Variants in SAMD3 observed in about 807,000 individuals in gnomAD.
The protein encoded by SAMD3 is sterile alpha motif domain containing 3.
Under a neutral mutation model 58.5 loss-of-function variants are expected in SAMD3, and 63 were observed. The ratio of observed to expected loss-of-function variants is 1.08; its 90% CI spans 0.88 to 1.33. The LOEUF is 1.33. Among genes scored for constraint, SAMD3 ranks in the 40% most tolerant of loss-of-function variants. The probability of loss-of-function intolerance (pLI) is 0.00; values close to 1 mark genes in which losing one functional copy is unlikely to be tolerated. For synonymous variants in SAMD3, 220 were observed against 210.3 expected (o/e 1.05, Z -0.40); for missense variants, 604 against 608.4 (o/e 0.99, Z 0.08).
rs375275669 is a variant in SAMD3, at chr6:130,154,788, A to G, written c.1023+37T>C. On this transcript the variant is annotated intron_variant, in intron 9 of 11. Transcript: ENST00000439090. ...AATATGTGTGTGTGTGTATATACATATATATGTGTGTGTATATATATATAG... is the reference window on the plus strand; with the variant it reads ...AATATGTGTGTGTGTGTATATACATGTATATGTGTGTGTATATATATATAG... 56 of 1,140,378 alleles carry G rather than the reference A, an allele frequency of 4.9e-5. No individual in the cohort carries two copies. In the African/African-American group the frequency reaches 8.4e-4, roughly 17 times the overall value. 70.6% of individuals were successfully genotyped at this position (1,140,378 alleles called of 1,614,324 possible). A position where few individuals can be genotyped will look rare whatever the true frequency, so the allele number is the denominator to read the frequency against.
downstream of SAMD3, among the ~76,000 whole-genome samples, chr6:130,143,585 C>G (rs769596929): frequency 1.2e-4 from 18 of 152,114 alleles, no homozygotes; most frequent in Non-Finnish European, 2.2e-4. Context: ...TTAATTTGAA[C>G]ATGTAACCCA....
chr6:130,148,749 G>A (rs552815831), intron 9 of SAMD3, among the ~76,000 whole-genome samples: 20 of 152,224 alleles, frequency 1.3e-4, no homozygotes, highest in African/African-American at 4.3e-4. Context: ...GCACATGCCT[G>A]TAGTCCCAGA....
chr6:130,354,648 A>T (rs1777773782), intron 1 of SAMD3, among the ~76,000 whole-genome samples: 3 of 152,022 alleles, frequency 2.0e-5, no homozygotes, highest in Admixed American at 2.0e-4. Flanking sequence ...ACTGGGGCCT[A>T]TGTGAGGGTG....
At chr6:130,345,966 A>T (rs990680009) in intron 1 of SAMD3, among the ~76,000 whole-genome samples, 1 of 152,238 alleles carries the variant, frequency 6.6e-6, no homozygotes, top group Non-Finnish European at 1.5e-5. Context: ...ATAAGGCTAC[A>T]AGGGTAAAAA....
chr6:130,275,486 A>G (rs562437626), intron 2 of SAMD3, among the ~76,000 whole-genome samples: 4 of 152,306 alleles, frequency 2.6e-5, no homozygotes, highest in South Asian at 2.1e-4. Flanking sequence ...TGAACTTTGG[A>G]GGAATCACAA....
intron 9 of SAMD3, among the ~76,000 whole-genome samples, chr6:130,147,778 C>G (rs1394882490): frequency 6.6e-6 from 1 of 152,188 alleles, no homozygotes; most frequent in Non-Finnish European, 1.5e-5. Flanking sequence ...GATTTAGATA[C>G]CACGCCTCTC....
chr6:130,255,401 G>A (rs981381886), intron 2 of SAMD3, among the ~76,000 whole-genome samples: 1 of 152,050 alleles, frequency 6.6e-6, no homozygotes, highest in African/African-American at 2.4e-5. Flanking sequence ...GGGTATTGAA[G>A]CCCCCTACTA....
chr6:130,329,335 C>G (rs774905508), intron 1 of SAMD3, among the ~76,000 whole-genome samples: 54 of 150,914 alleles, frequency 3.6e-4, no homozygotes, highest in Non-Finnish European at 4.1e-4. Context: ...AAACCACATT[C>G]ATTCTGGGGA....
chr6:130,163,026 C>A (rs2114620173), intron 8 of SAMD3, among the ~76,000 whole-genome samples: 1 of 152,326 alleles, frequency 6.6e-6, no homozygotes, highest in African/African-American at 2.4e-5. Flanking sequence ...AGTCCTCCTG[C>A]ATTTGCCTCC....
chr6:130,254,110 C>T (rs1024498276), intron 2 of SAMD3, among the ~76,000 whole-genome samples: 1 of 152,108 alleles, frequency 6.6e-6, no homozygotes, highest in African/African-American at 2.4e-5. Flanking sequence ...TTGCCTACCT[C>T]AGCTCCCAAG....
In SAMD3 at chr6:130,353,475, A is replaced by G. The variant is rs369980240; in HGVS notation, c.-304+11645T>C. 1.1e-4 allele frequency among the ~76,000 whole-genome samples: 16 copies of G among 152,294 alleles called. No individual in the cohort carries two copies. In the South Asian group the frequency reaches 2.1e-3, roughly 20 times the overall value. On this transcript the variant is annotated intron_variant, in intron 1 of 13. Transcript: ENST00000368134. The stretch of plus-strand genomic sequence containing the variant: ...TTCCAAAAATAAAATTCTAATTTCT[A>G]TCACTGCACTTAATATAGGAAATAA...
rs185331438 is a variant in SAMD3 at position 130,359,733 on chromosome 6, G to A, written c.-304+5387C>T. Among the ~76,000 whole-genome samples, 38 of 152,260 alleles carry A rather than the reference G, an allele frequency of 2.5e-4. 1 individual carries two copies. In the East Asian group the frequency reaches 7.1e-3, roughly 29 times the overall value. On this transcript the variant is annotated intron_variant, in intron 1 of 13. Coordinates refer to the SAMD3 transcript ENST00000368134. Reference sequence around the variant, plus strand: ...GAATATAATGCCCAATACATTATGTGAATGCTTTCTGAATTAATAAAAGAA... The same window carrying A: ...GAATATAATGCCCAATACATTATGTAAATGCTTTCTGAATTAATAAAAGAA...
intron 2 of SAMD3, among the ~76,000 whole-genome samples, chr6:130,229,878 C>T (rs1796494728): frequency 2.0e-5 from 3 of 152,176 alleles, no homozygotes; most frequent in Admixed American, 1.3e-4. Flanking sequence ...CAGCAAAGCT[C>T]ACCACAGTGA....
intron 5 of SAMD3, among the ~76,000 whole-genome samples, chr6:130,200,037 T>C (rs1057038838): frequency 1.3e-5 from 2 of 152,098 alleles, no homozygotes; most frequent in Non-Finnish European, 1.5e-5. Flanking sequence ...CTCTATGTTA[T>C]TGGCCCCCAG....
intron 2 of SAMD3, among the ~76,000 whole-genome samples, chr6:130,302,694 TG>T (rs1775791798): frequency 6.6e-6 from 1 of 152,164 alleles, no homozygotes; most frequent in Non-Finnish European, 1.5e-5. Context: ...CCATCAGTGG[TG>T]GGTTCGACAA....
chr6:130,162,370 G>A (rs1034926748), intron 8 of SAMD3: 36 of 675,100 alleles, frequency 5.3e-5, no homozygotes, highest in Non-Finnish European at 9.1e-5. Flanking sequence ...GGTTAAAAAT[G>A]TAGTTATAGC....
Position 130,144,594 on chromosome 6 carries a change from C to T in SAMD3, c.1489G>A (p.Asp497Asn), listed in dbSNP as rs757262361. The T allele has an allele frequency of 1.2e-5, 19 of 1,613,946 alleles. No homozygotes were observed. The highest frequency in any genetic ancestry group is 8.3e-5 in the Admixed American group (5 of 59,994). The change falls in exon 12 of 12, where the codon GAT (aspartate) becomes AAT (asparagine). Residue 497 changes from aspartate (D) to asparagine (N), a missense_variant. By Grantham distance (23) the Asp-to-Asn change is conservative. Coordinates refer to ENST00000439090, the MANE Select transcript of SAMD3 (RefSeq NM_001017373.4). Reference protein sequence around the residue: ...TFNFLETLIFDMHSPYFPSLK... With the variant: ...TFNFLETLIFNMHSPYFPSLK... ...GAAGGAAAATAAGGACTGTGCATAT[C>T]GAAAATCAGCGTTTCTAGGAAGTTG...
At position 130,168,432 on chromosome 6, in the gene SAMD3, C is replaced by A. The variant is rs372260299; in HGVS notation, c.822+7409G>T. Among the ~76,000 whole-genome samples, 516 of 151,078 alleles carry A rather than the reference C, an allele frequency of 3.4e-3. 5 individuals are homozygous for A. The highest frequency in any genetic ancestry group is 0.017 in the Middle Eastern group (5 of 294). On this transcript the variant is annotated intron_variant, in intron 8 of 11. Transcript: ENST00000439090. ...CCTGGGCGACGAGTGAAACACCACCCAAAAAAAACAAAAAACAAACAAACA... is the reference window on the plus strand; with the variant it reads ...CCTGGGCGACGAGTGAAACACCACCAAAAAAAAACAAAAAACAAACAAACA...
At chr6:130,154,708 AAAAAAAAAAAATAT>A (rs1481575494) in intron 9 of SAMD3, 103 bp downstream of exon 9, 20 of 143,060 alleles carry the variant, frequency 1.4e-4, no homozygotes, top group Middle Eastern at 2.9e-3. Flanking sequence ...AAAAAAAAAA[AAAAAAAAAAAATAT>A]ATATATATAT....
Sources: allele counts gnomAD v4.1 joint callset (sites outside exome capture counted in the v4.1 genomes callset), GRCh38; gene constraint gnomAD v4.1.1; transcripts MANE v1.5; gene names NCBI Gene and HGNC (gene_info 2026-07-23, HGNC 2026-07-21).